The following NRXN3 variants were observed in gnomAD, a reference collection of about 807,000 sequenced individuals.
NRXN3 encodes the protein neurexin III.
Under a neutral mutation model 137.6 loss-of-function variants are expected in NRXN3, and 32 were observed. The observed-to-expected ratio is 0.23, with a 90% confidence interval of 0.18 to 0.31. The LOEUF is 0.31. Among genes scored for constraint, NRXN3 ranks in the 10% least tolerant of loss-of-function variants. The pLI, the probability that NRXN3 is intolerant of heterozygous loss-of-function variation, is 1.00. For synonymous variants in NRXN3, 798 were observed against 784.5 expected, an observed-to-expected ratio of 1.02 and a Z score of -0.29; for missense variants, 1,574 against 2,062.5, an observed-to-expected ratio of 0.76 and a Z score of 4.59.
chr14:79,443,037 G>C (rs531530615), intron 15 of NRXN3, among the ~76,000 whole-genome samples: 21 of 152,254 alleles, frequency 1.4e-4, no homozygotes, highest in Admixed American at 1.3e-3. Flanking sequence ...CACTTCAAAG[G>C]GTACACAGAC....
intron 15 of NRXN3, chr14:79,280,684 A>T: frequency 1.2e-6 from 1 of 841,930 alleles, no homozygotes; most frequent in Non-Finnish European, 1.8e-6. Context: ...TGAGGGAAGC[A>T]AATTTCTACT....
rs563005543 is a variant in NRXN3 at position 79,288,232 on chromosome 14, A to G, written c.3263-178989A>G. On this transcript the variant is annotated intron_variant, in intron 15 of 20. Transcript: ENST00000335750. ...CCCACAATCCAACTTCAGTGCAGTC[A>G]CGCTGAGATGGGAAGAATGCAGCTT... is the stretch of plus-strand genomic sequence containing the variant. Among the ~76,000 whole-genome samples the G allele has an allele frequency of 4.5e-4, 68 of 152,362 alleles. 1 individual carries two copies. In the East Asian group the frequency reaches 6.6e-3, roughly 15 times the overall value.
At chr14:79,061,266 C>T (rs1165897760) in intron 15 of NRXN3, among the ~76,000 whole-genome samples, 1 of 152,204 alleles carries the variant, frequency 6.6e-6, no homozygotes, top group Non-Finnish European at 1.5e-5. Context: ...TGAATACTCT[C>T]ACAAGCAAAA....
At chr14:78,265,765 C>T (rs536132348) in intron 2 of NRXN3, among the ~76,000 whole-genome samples, 4 of 152,294 alleles carry the variant, frequency 2.6e-5, no homozygotes, top group Non-Finnish European at 2.9e-5. Flanking sequence ...GCTGAGTGTA[C>T]GTGTTAATTC....
chr14:78,832,577 T>C (rs967855343), intron 10 of NRXN3, among the ~76,000 whole-genome samples: 3 of 151,986 alleles, frequency 2.0e-5, no homozygotes, highest in Non-Finnish European at 4.4e-5. Context: ...CCAGCATGTT[T>C]CTCAGTGGGG....
chr14:79,413,708 CTATCT>C (rs890870935), intron 15 of NRXN3, among the ~76,000 whole-genome samples: 1 of 151,964 alleles, frequency 6.6e-6, no homozygotes, highest in Non-Finnish European at 1.5e-5. Context: ...CCTCTTATAT[CTATCT>C]TATCAGTAAA....
chr14:78,371,391 C>T (rs1013890564), intron 4 of NRXN3, among the ~76,000 whole-genome samples: 4 of 152,264 alleles, frequency 2.6e-5, no homozygotes, highest in Middle Eastern at 3.4e-3. Context: ...TTCCACCTCC[C>T]CTTCTGCTGA....
intron 4 of NRXN3, among the ~76,000 whole-genome samples, chr14:78,486,799 T>C (rs535303077): frequency 3.1e-4 from 47 of 152,314 alleles, no homozygotes; most frequent in African/African-American, 1.1e-3. Context: ...ATCACTGGCA[T>C]TAATGATTTA....
At chr14:78,655,374 A>G (rs931519061) in intron 6 of NRXN3, among the ~76,000 whole-genome samples, 1 of 152,224 alleles carries the variant, frequency 6.6e-6, no homozygotes, top group Non-Finnish European at 1.5e-5. Context: ...AGTGTAAGTG[A>G]ATATCCATTA....
At chr14:79,524,037 A>C (rs772472471) in intron 16 of NRXN3, among the ~76,000 whole-genome samples, 2 of 152,224 alleles carry the variant, frequency 1.3e-5, no homozygotes, top group Non-Finnish European at 2.9e-5. Flanking sequence ...GTTTAGCTGC[A>C]CATCTAAATA....
At chr14:79,247,440 AC>A (rs1210977871) in intron 15 of NRXN3, 4 of 152,170 alleles carry the variant, frequency 2.6e-5, no homozygotes, top group African/African-American at 9.7e-5. Context: ...TCCCCACTTC[AC>A]AAGTCCACTT....
intron 4 of NRXN3, among the ~76,000 whole-genome samples, chr14:78,504,558 G>A (rs1446956405): frequency 6.6e-6 from 1 of 152,124 alleles, no homozygotes; most frequent in Non-Finnish European, 1.5e-5. Context: ...AGGGGCCTCA[G>A]GAACTATGTA....
chr14:78,734,550 G>A (rs1435037131), intron 8 of NRXN3, among the ~76,000 whole-genome samples: 1 of 152,196 alleles, frequency 6.6e-6, no homozygotes, highest in Non-Finnish European at 1.5e-5. Context: ...CTAGTGACAG[G>A]AGAAAGACAT....
At chr14:78,479,217 A>G (rs1023276050) in intron 4 of NRXN3, among the ~76,000 whole-genome samples, 1 of 152,206 alleles carries the variant, frequency 6.6e-6, no homozygotes, top group African/African-American at 2.4e-5. Context: ...CCCAAGAGGC[A>G]TAGTGAGTCT....
intron 17 of NRXN3, among the ~76,000 whole-genome samples, chr14:79,674,542 A>T (rs766268374): frequency 2.0e-5 from 3 of 151,946 alleles, no homozygotes. Context: ...TTCCACACAG[A>T]TATGTTTGCC....
chr14:79,468,757 G>A (rs2096462168), intron 16 of NRXN3, among the ~76,000 whole-genome samples: 1 of 152,188 alleles, frequency 6.6e-6, no homozygotes, highest in African/African-American at 2.4e-5. Context: ...CTGGAAGTCG[G>A]TCTAGCCCCA....
chr14:78,926,636 ATATT>A (rs922467284), intron 10 of NRXN3, among the ~76,000 whole-genome samples: 4 of 100,452 alleles, frequency 4.0e-5, no homozygotes, highest in African/African-American at 1.1e-4. Context: ...TATATAATAT[ATATT>A]TATATATAAT....
chr14:78,194,468 G>A (rs1349904264), intron 1 of NRXN3, among the ~76,000 whole-genome samples: 2 of 152,234 alleles, frequency 1.3e-5, no homozygotes, highest in Non-Finnish European at 2.9e-5. Context: ...CTGTTGCTCA[G>A]TGGCTCAGAG....
intron 16 of NRXN3, among the ~76,000 whole-genome samples, chr14:79,591,817 A>AT (rs1169348891): frequency 6.6e-6 from 1 of 152,112 alleles, no homozygotes; most frequent in Admixed American, 6.6e-5. Flanking sequence ...GAAATTAACT[A>AT]TTTTTGCTTC....
Sources: allele counts gnomAD v4.1 joint callset (sites outside exome capture counted in the v4.1 genomes callset), GRCh38; gene constraint gnomAD v4.1.1; transcripts MANE v1.5; gene names NCBI Gene and HGNC (gene_info 2026-07-23, HGNC 2026-07-21).